LRRC41: variants seen among roughly 807,000 people sequenced by gnomAD.
LRRC41 encodes leucine-rich repeat-containing protein 41.
In LRRC41, 17 loss-of-function variants were observed where a neutral mutation model predicts 72.1. That is an observed-to-expected ratio of 0.24 (90% CI 0.16 to 0.35). LRRC41 has a LOEUF of 0.35. Ranked by LOEUF, LRRC41 falls within the 10% of genes least tolerant of loss-of-function variation. LRRC41 has a pLI of 1.00. For synonymous variants in LRRC41, 427 were observed against 431.0 expected, an observed-to-expected ratio of 0.99 and a Z score of 0.11; for missense variants, 759 against 1,065.0, an observed-to-expected ratio of 0.71 and a Z score of 4.00.
In LRRC41 at chr1:46,301,930, C is replaced by G. The variant is rs576067971; in HGVS notation, c.199+1194G>C. The G allele has an allele frequency of 1.3e-4, 128 of 983,880 alleles. No individual in the cohort carries two copies. The African/African-American group carries it at 2.1e-3, about 16-fold the overall frequency. 60.9% of individuals were successfully genotyped at this position (983,880 alleles called of 1,614,324 possible). ...CACAGAGCCAGCAGCCTCTCAGGCC[C>G]GAGGCCTCCCCTGTCCCCAGCGCGG... is the stretch of plus-strand genomic sequence containing the variant. On this transcript the variant is annotated intron_variant, in intron 1 of 9. Transcript: ENST00000617190.
chr1:46,301,669 G>A (rs189261868), intron 1 of LRRC41, among the ~76,000 whole-genome samples: 40 of 151,570 alleles, frequency 2.6e-4, no homozygotes, highest in Admixed American at 2.6e-3. Context: ...CCCTCCTCAT[G>A]GCATAACTCA....
Position 46,277,974 on chromosome 1 carries a change from A to G in LRRC41, c.*891T>C, listed in dbSNP as rs1208512094. On this transcript the variant is annotated 3_prime_UTR_variant, in exon 10 of 10. Coordinates refer to ENST00000617190, the MANE Select transcript of LRRC41 (RefSeq NM_006369.5). ...GATGAAGCTAGCCTCAGTGACACAC[A>G]TGACAGGTGGGGAAGTGCCCTAACC... 1 of 1,613,972 alleles carries G rather than the reference A, an allele frequency of 6.2e-7. No individual in the cohort carries two copies. Among genetic ancestry groups the G allele is most frequent in the East Asian group, 2.2e-5 (1 of 44,902 alleles).
At chr1:46,296,020 G>A (rs1661117270) in intron 3 of LRRC41, among the ~76,000 whole-genome samples, 1 of 152,084 alleles carries the variant, frequency 6.6e-6, no homozygotes, top group African/African-American at 2.4e-5. Context: ...CTACTTCCTA[G>A]GAAAGACTTT....
chr1:46,301,422 C>T (rs1028100080), intron 1 of LRRC41, among the ~76,000 whole-genome samples: 1 of 152,092 alleles, frequency 6.6e-6, no homozygotes, highest in Non-Finnish European at 1.5e-5. Flanking sequence ...AGCCTTTCCT[C>T]CTGTTCCCCA....
In LRRC41 at chr1:46,286,136, C is replaced by G; in HGVS notation, c.721G>C (p.Ala241Pro). ...ATGGTGAGAATAAGGATGAAAAGGGCTGACTCAGGCACAGGCCAGGAGTAT... is the reference window on the plus strand; with the variant it reads ...ATGGTGAGAATAAGGATGAAAAGGGGTGACTCAGGCACAGGCCAGGAGTAT... ...SLYSWPVPES[A>P]LFILILTMSA... The change falls in exon 4 of 10, where the codon GCC becomes CCC. Residue 241 changes from alanine (A) to proline (P), a missense_variant. By Grantham distance (27) the Ala-to-Pro change is conservative (BLOSUM62 -1). Around this residue, in one of 4 missense-constraint regions of LRRC41, gnomAD observed 427 missense variants for 520.9 expected, o/e 0.82. Coordinates refer to ENST00000617190, the MANE Select transcript of LRRC41 (RefSeq NM_006369.5). The surrounding 1 kb of genome is among the most constrained non-coding windows in gnomAD (Gnocchi z 5.5). 6.2e-7 allele frequency: 1 copy of G among 1,614,256 alleles called. No individual in the cohort carries two copies. Among genetic ancestry groups the G allele is most frequent in the Non-Finnish European group, 8.5e-7 (1 of 1,180,038 alleles).
intron 3 of LRRC41, among the ~76,000 whole-genome samples, chr1:46,292,138 AC>A (rs2148321825): frequency 6.6e-6 from 1 of 151,592 alleles, no homozygotes; most frequent in Non-Finnish European, 1.5e-5. Context: ...ATGTGGTGAA[AC>A]CTTGTCTCTA....
intron 1 of LRRC41, chr1:46,300,040 A>G (rs1230180214): frequency 6.6e-6 from 1 of 152,192 alleles, no homozygotes; most frequent in Admixed American, 6.5e-5. Flanking sequence ...ATCTCTGTCC[A>G]ATCAAGAACA....
chr1:46,303,369 C>G lies in LRRC41; in HGVS notation c.-47G>C. The G allele has an allele frequency of 1.4e-6, 2 of 1,456,694 alleles. No individual in the cohort carries two copies. The highest frequency in any genetic ancestry group is 2.9e-5 in the African/African-American group (2 of 69,188). 90.2% of individuals were successfully genotyped at this position (1,456,694 alleles called of 1,614,324 possible). A position where few individuals can be genotyped will look rare whatever the true frequency, so the allele number is the denominator to read the frequency against. On this transcript the variant is annotated 5_prime_UTR_variant, in exon 1 of 10. Coordinates refer to ENST00000617190, the MANE Select transcript of LRRC41 (RefSeq NM_006369.5). ...GAGAGTGTCGCCCGCGGACCGCCATCTTGAAAAGGTCAGCAGTTAGGACGG... is the reference window on the plus strand; with the variant it reads ...GAGAGTGTCGCCCGCGGACCGCCATGTTGAAAAGGTCAGCAGTTAGGACGG...
At chr1:46,281,962 C>G (rs995654049) in intron 4 of LRRC41, among the ~76,000 whole-genome samples, 1 of 152,074 alleles carries the variant, frequency 6.6e-6, no homozygotes, top group African/African-American at 2.4e-5. Flanking sequence ...GCCTGTAGTC[C>G]CAGCTACTCG....
At chr1:46,290,927 T>G (rs538270871) in intron 3 of LRRC41, among the ~76,000 whole-genome samples, 3 of 145,310 alleles carry the variant, frequency 2.1e-5, no homozygotes, top group South Asian at 4.4e-4. Flanking sequence ...TTTTTTTTTT[T>G]TTTTTTTTTT....
rs753539472 is a variant in LRRC41, at chr1:46,285,344, C to A, written c.1495+18G>T. On this transcript the variant is annotated intron_variant, in intron 4 of 9. Transcript: ENST00000617190. The surrounding 1 kb of genome is among the most constrained non-coding windows in gnomAD (Gnocchi z 5.3). The stretch of plus-strand genomic sequence containing the variant: ...CTAGGCAATCTAAGCCCAATCCCTG[C>A]CACTCCAGGGTGCTCACCATTGTAG... 6.2e-7 allele frequency: 1 copy of A among 1,612,822 alleles called. No homozygotes were observed. The highest frequency in any genetic ancestry group is 8.5e-7 in the Non-Finnish European group (1 of 1,179,402).
intron 1 of LRRC41, chr1:46,299,735 G>C (rs1279591954): frequency 6.6e-6 from 1 of 151,982 alleles, no homozygotes; most frequent in Non-Finnish European, 1.5e-5. Flanking sequence ...AAATTAGCCA[G>C]GTGTAATGAT....
rs936424490 is a variant in LRRC41 at position 46,289,756 on chromosome 1, G to A, written c.358-3257C>T. ...AGCCTGGGCGATAGAGCAAGACTCC[G>A]TCTCCAAAAAAAAAAGGAGTCTATG... On this transcript the variant is annotated intron_variant, in intron 3 of 9. Coordinates refer to ENST00000617190, the MANE Select transcript of LRRC41 (RefSeq NM_006369.5). Among the ~76,000 whole-genome samples, 39 of 151,694 alleles carry A rather than the reference G, an allele frequency of 2.6e-4. 1 individual carries two copies. The highest frequency in any genetic ancestry group is 5.3e-4 in the Admixed American group (8 of 15,228).
Position 46,278,366 on chromosome 1 carries a change from G to A in LRRC41, c.*499C>T, listed in dbSNP as rs1045653379. The A allele has an allele frequency of 2.8e-6, 4 of 1,431,962 alleles. No homozygotes were observed. The highest frequency in any genetic ancestry group is 3.8e-6 in the Non-Finnish European group (4 of 1,040,600). The allele number at this position is 1,431,962 out of a possible 1,614,324, so 88.7% of individuals were successfully genotyped here. A position where few individuals can be genotyped will look rare whatever the true frequency, so the allele number is the denominator to read the frequency against. On this transcript the variant is annotated 3_prime_UTR_variant, in exon 10 of 10. Transcript: ENST00000617190. ...GCTCCACAGGGCCCTGTTGAATTTT[G>A]TTCTCTGGGAGAAAATCATCAAGAA... is the stretch of plus-strand genomic sequence containing the variant.
chr1:46,291,695 GA>G (rs1301648316), intron 3 of LRRC41, among the ~76,000 whole-genome samples: 7 of 151,694 alleles, frequency 4.6e-5, no homozygotes, highest in Non-Finnish European at 4.4e-5. Context: ...GAGTAGCTGG[GA>G]CTACAGGCAT....
chr1:46,290,424 T>C (rs528021258), intron 3 of LRRC41, among the ~76,000 whole-genome samples: 60 of 152,216 alleles, frequency 3.9e-4, no homozygotes, highest in South Asian at 8.3e-4. Context: ...GTAAACTAAC[T>C]CTGGAGTATT....
rs1379975337 is a variant in LRRC41 at position 46,278,175 on chromosome 1, T to G, written c.*690A>C. ...AGGGTGGAACCACTGCACTGATAAG[T>G]GGGGGCTCCGGGATGAGGTACTCCA... On this transcript the variant is annotated 3_prime_UTR_variant, in exon 10 of 10. Coordinates refer to ENST00000617190, the MANE Select transcript of LRRC41 (RefSeq NM_006369.5). The G allele has an allele frequency of 1.2e-6, 2 of 1,613,750 alleles. No individual in the cohort carries two copies. The highest frequency in any genetic ancestry group is 1.7e-5 in the Admixed American group (1 of 59,984).
rs1189096402 is a variant in LRRC41, at chr1:46,302,935, A to G, written c.199+189T>C. The G allele has an allele frequency of 3.1e-6, 3 of 983,314 alleles. No individual in the cohort carries two copies. Among genetic ancestry groups the G allele is most frequent in the Non-Finnish European group, 3.6e-6 (3 of 829,460 alleles). The allele number at this position is 983,314 out of a possible 1,614,324, so 60.9% of individuals were successfully genotyped here. A position where few individuals can be genotyped will look rare whatever the true frequency, so the allele number is the denominator to read the frequency against. ...GGCCGCGGTGCGGGTCAGCCTGCCC[A>G]TTTAGGTCTCCGTCTTTACTCTGTC... is the stretch of plus-strand genomic sequence containing the variant. On this transcript the variant is annotated intron_variant, in intron 1 of 9. Transcript: ENST00000617190. The surrounding 1 kb of genome is among the most constrained non-coding windows in gnomAD (Gnocchi z 4.7).
rs922365905 is a variant in LRRC41 at position 46,277,874 on chromosome 1, A to G, written c.*991T>C. 3.1e-6 allele frequency: 5 copies of G among 1,613,754 alleles called. No individual in the cohort carries two copies. In the African/African-American group the frequency reaches 5.3e-5, roughly 17 times the overall value. On this transcript the variant is annotated 3_prime_UTR_variant, in exon 10 of 10. Transcript: ENST00000617190. ...TCAGAGCCACAAGAAGGCACTGAGC[A>G]GCTGTGTGGTGGATGAGGAGCAGGA...
Sources: gnomAD v4.1 joint callset for allele counts (sites outside exome capture counted in the v4.1 genomes callset) on GRCh38, gnomAD v4.1.1 for gene constraint, gnomAD v4.1.1 regional missense constraint, Gnocchi (gnomAD v3.1) non-coding constraint, MANE v1.5 for transcripts, NCBI Gene and HGNC (gene_info 2026-07-23, HGNC 2026-07-21) for gene names.